RASGRP1: variants seen among roughly 807,000 people sequenced by gnomAD.
RASGRP1 encodes RAS guanyl-releasing protein 1.
Under a neutral mutation model 95.1 loss-of-function variants are expected in RASGRP1, and 37 were observed. The ratio of observed to expected loss-of-function variants is 0.39; its 90% CI spans 0.30 to 0.51. RASGRP1 has a LOEUF of 0.51. Ranked by LOEUF, RASGRP1 falls within the 20% of genes least tolerant of loss-of-function variation. The pLI is 0.80. For synonymous variants in RASGRP1, 325 were observed against 353.4 expected, an observed-to-expected ratio of 0.92 and a Z score of 0.90; for missense variants, 711 against 965.4, an observed-to-expected ratio of 0.74 and a Z score of 3.49.
intron 16 of RASGRP1, among the ~76,000 whole-genome samples, 175 bp from the exon 17 acceptor site, chr15:38,490,863 G>A (rs1015312339): frequency 2.0e-5 from 3 of 152,130 alleles, no homozygotes; most frequent in Admixed American, 6.5e-5. Context: ...AATATCAAAC[G>A]AGCATTTGTA....
intron 3 of RASGRP1, among the ~76,000 whole-genome samples, chr15:38,525,281 T>G (rs565585824): frequency 6.6e-6 from 1 of 152,236 alleles, no homozygotes; most frequent in South Asian, 2.1e-4. Flanking sequence ...CCAGGAACAA[T>G]TTAGTCCCTA....
rs147833189 is a variant in RASGRP1 at position 38,494,720 on chromosome 15, G to A, written c.1921C>T (p.His641Tyr). 299 of 1,515,780 alleles carry A rather than the reference G, an allele frequency of 2.0e-4. 4 individuals carry two copies. The East Asian group carries it at 6.7e-3, about 34-fold the overall frequency. 93.9% of individuals were successfully genotyped at this position (1,515,780 alleles called of 1,614,324 possible). The change falls in exon 16 of 17, where the codon CAT becomes TAT. Residue 641 changes from histidine to tyrosine, a missense_variant. Coordinates refer to ENST00000310803, the MANE Select transcript of RASGRP1 (RefSeq NM_005739.4). The stretch of plus-strand genomic sequence containing the variant: ...GTCCGATCCTTACTCTCCTCACCAT[G>A]TTCCACAGCCTCCCCATTAGGGAAT... Reference protein sequence around the residue: ...FTFPNGEAVEHGEESKDRTIM... With the variant: ...FTFPNGEAVEYGEESKDRTIM...
At position 38,564,681 on chromosome 15, in the gene RASGRP1, G is replaced by A. The variant is rs1893963562; in HGVS notation, c.-53C>T. The A allele has an allele frequency of 2.5e-6, 3 of 1,216,416 alleles. No homozygotes were observed. Among genetic ancestry groups the A allele is most frequent in the Non-Finnish European group, 2.0e-6 (2 of 978,044 alleles). 75.4% of individuals were successfully genotyped at this position (1,216,416 alleles called of 1,614,324 possible). A position where few individuals can be genotyped will look rare whatever the true frequency, so the allele number is the denominator to read the frequency against. ...CTCACCTAGCGCGGCCGGGCGCGGCGCATCGCCCCCGCCACCACCGCCGCC... is the reference window on the plus strand; with the variant it reads ...CTCACCTAGCGCGGCCGGGCGCGGCACATCGCCCCCGCCACCACCGCCGCC... On this transcript the variant is annotated 5_prime_UTR_variant, in exon 1 of 17. Coordinates refer to ENST00000310803, the MANE Select transcript of RASGRP1 (RefSeq NM_005739.4).
At chr15:38,551,905 G>A (rs12593201) in intron 2 of RASGRP1, among the ~76,000 whole-genome samples, 41,581 of 152,028 alleles carry the variant, frequency 0.27, 5,890 homozygotes, top group East Asian at 0.4. Context: ...ACAAAAGCTT[G>A]GTTATAGACA....
At chr15:38,514,982 AG>A (rs1019256319) in intron 6 of RASGRP1, among the ~76,000 whole-genome samples, 3 of 152,144 alleles carry the variant, frequency 2.0e-5, no homozygotes, top group African/African-American at 7.2e-5. Context: ...TGGGGTACTG[AG>A]GGGTGCAGAG....
chr15:38,545,746 A>C (rs11073336), intron 2 of RASGRP1, among the ~76,000 whole-genome samples: 13,250 of 152,158 alleles, frequency 0.087, 1,948 homozygotes, highest in African/African-American at 0.3. Context: ...GTATTATAGT[A>C]CCTAATTTCA....
At chr15:38,501,316 T>TG in intron 12 of RASGRP1, 29 bp from the exon 13 acceptor site, 1 of 1,612,566 alleles carries the variant, frequency 6.2e-7, no homozygotes, top group South Asian at 1.1e-5. Flanking sequence ...GGCAAGGATG[T>TG]GAGTATAAGG....
At chr15:38,516,420 T>C (rs1386225281) in intron 5 of RASGRP1, 70 bp from the exon 6 acceptor site, 2 of 1,509,462 alleles carry the variant, frequency 1.3e-6, no homozygotes, top group East Asian at 4.5e-5. Flanking sequence ...AGTAAATCCA[T>C]TAACATTTCT....
Position 38,494,525 on chromosome 15 carries a change from G to A in RASGRP1, c.2116C>T (p.Leu706Phe), listed in dbSNP as rs769465594. The A allele has an allele frequency of 2.5e-6, 4 of 1,597,500 alleles. No individual in the cohort carries two copies. The Admixed American group carries it at 5.3e-5, about 21-fold the overall frequency. ...GGACATGGAGAGGTGGGACTGGGAA[G>A]CACATATAGAGTATCCTGGGCTGTC... ...RKTAQDTLYV[L>F]PSPTSPCPSP... Residue 706 changes from leucine to phenylalanine, a missense_variant, in exon 16 of 17, where the codon CTT (leucine) becomes TTT (phenylalanine). Transcript: ENST00000310803.
chr15:38,506,508 GCC>G (rs1179624742), intron 9 of RASGRP1, among the ~76,000 whole-genome samples: 4 of 151,876 alleles, frequency 2.6e-5, no homozygotes, highest in Non-Finnish European at 5.9e-5. Flanking sequence ...GGTGGCGTGT[GCC>G]CGTGGTCCCA....
chr15:38,543,423 A>G (rs1260347774), intron 2 of RASGRP1, among the ~76,000 whole-genome samples: 1 of 152,134 alleles, frequency 6.6e-6, no homozygotes, highest in Non-Finnish European at 1.5e-5. Flanking sequence ...TATCACATGG[A>G]CTTGATTACT....
chr15:38,527,988 A>G (rs1173138039), intron 2 of RASGRP1, among the ~76,000 whole-genome samples: 6 of 152,090 alleles, frequency 3.9e-5, no homozygotes, highest in African/African-American at 1.2e-4. Flanking sequence ...TAAAATGTAT[A>G]TATATATGTA....
intron 5 of RASGRP1, among the ~76,000 whole-genome samples, chr15:38,516,768 C>A (rs1159320799): frequency 2.0e-5 from 3 of 151,894 alleles, no homozygotes; most frequent in African/African-American, 7.3e-5. Context: ...AATCCCAAGG[C>A]AGTGAAACAG....
At chr15:38,552,346 G>C (rs1454186448) in intron 2 of RASGRP1, among the ~76,000 whole-genome samples, 1 of 152,174 alleles carries the variant, frequency 6.6e-6, no homozygotes, top group African/African-American at 2.4e-5. Context: ...TCAGCTTTTA[G>C]GGTCCCTTCC....
chr15:38,514,001 C>T (rs2141117823), intron 6 of RASGRP1, among the ~76,000 whole-genome samples: 1 of 152,306 alleles, frequency 6.6e-6, no homozygotes, highest in Admixed American at 6.5e-5. Flanking sequence ...AAGATGAAGC[C>T]TCCATCATCT....
intron 2 of RASGRP1, among the ~76,000 whole-genome samples, chr15:38,552,892 CAT>C (rs1893393439): frequency 6.6e-6 from 1 of 152,190 alleles, no homozygotes; most frequent in South Asian, 2.1e-4. Context: ...GAAATTAAGA[CAT>C]AAATCCACAT....
intron 16 of RASGRP1, among the ~76,000 whole-genome samples, chr15:38,494,169 G>C (rs34059658): frequency 0.15 from 22,271 of 152,152 alleles, 2,052 homozygotes; most frequent in Middle Eastern, 0.22. Context: ...AAGGCCCCCA[G>C]TGGGTTGTGA....
chr15:38,519,521 A>G (rs761246588), intron 3 of RASGRP1, 150 bp from the exon 4 acceptor site: 18 of 654,904 alleles, frequency 2.7e-5, no homozygotes, highest in Non-Finnish European at 4.5e-5. Flanking sequence ...AAGGATAAAA[A>G]CCAACTTGAT....
intron 1 of RASGRP1, among the ~76,000 whole-genome samples, chr15:38,564,036 G>T (rs551762112): frequency 1.3e-5 from 2 of 152,212 alleles, no homozygotes; most frequent in African/African-American, 2.4e-5. Context: ...ATCATAGTGA[G>T]GGGGAGAGGA....
Sources: gnomAD v4.1 joint callset for allele counts (sites outside exome capture counted in the v4.1 genomes callset) on GRCh38, gnomAD v4.1.1 for gene constraint, MANE v1.5 for transcripts, NCBI Gene and HGNC (gene_info 2026-07-23, HGNC 2026-07-21) for gene names.